PRKN: variants seen among roughly 807,000 people sequenced by gnomAD.
PRKN encodes the protein E3 ubiquitin-protein ligase parkin.
Under a neutral mutation model 59.5 loss-of-function variants are expected in PRKN, and 56 were observed. The ratio of observed to expected loss-of-function variants is 0.94; its 90% CI spans 0.76 to 1.18. The LOEUF (loss-of-function observed/expected upper bound fraction) is 1.18, where lower values mean the gene tolerates loss of function less well. PRKN is among the 50% of genes most tolerant of loss of function. The probability of loss-of-function intolerance (pLI) is 0.00; values close to 1 mark genes in which losing one functional copy is unlikely to be tolerated. For missense variants in PRKN, 657 were observed against 596.4 expected (o/e 1.10, Z -1.06); for synonymous variants, 250 against 222.1 (o/e 1.13, Z -1.12).
intron 4 of PRKN, among the ~76,000 whole-genome samples, chr6:162,156,176 A>G (rs1476156518): frequency 6.6e-6 from 1 of 152,224 alleles, no homozygotes; most frequent in Non-Finnish European, 1.5e-5. Context: ...ATTGGATACC[A>G]ATGACAGTCA....
intron 1 of PRKN, among the ~76,000 whole-genome samples, chr6:162,716,027 C>T (rs1778707305): frequency 6.6e-6 from 1 of 152,226 alleles, no homozygotes; most frequent in African/African-American, 2.4e-5. Flanking sequence ...CATGTGTACA[C>T]AGCATCTTCA....
intron 3 of PRKN, among the ~76,000 whole-genome samples, chr6:162,226,159 TAAGAAAGAA>T (rs1778171837): frequency 6.6e-6 from 1 of 150,834 alleles, no homozygotes. Context: ...GTGCTTACCC[TAAGAAAGAA>T]AAGACTCATA....
At chr6:162,467,588 G>C (rs376293993) in intron 1 of PRKN, among the ~76,000 whole-genome samples, 2 of 151,830 alleles carry the variant, frequency 1.3e-5, no homozygotes, top group Non-Finnish European at 2.9e-5. Flanking sequence ...CTGCATTGTC[G>C]TGACCATTAT....
In PRKN at chr6:161,766,314, A is replaced by ATTTTTTTTT. The variant is rs758294050; in HGVS notation, c.871+19449_871+19457dup. On this transcript the variant is annotated intron_variant, in intron 7 of 11. Transcript: ENST00000366898. ...ACTTATGCCTGCTGTCATTGACCAC[A>ATTTTTTTTT]TTTTTTTTTTTTTAGACAGAGTCTC... Among the ~76,000 whole-genome samples, 1,055 of 139,610 alleles carry ATTTTTTTTT rather than the reference A, an allele frequency of 7.6e-3. 24 individuals are homozygous for ATTTTTTTTT. Among genetic ancestry groups the ATTTTTTTTT allele is most frequent in the African/African-American group, 0.013 (480 of 37,324 alleles). The allele number at this position is 139,610 out of a possible 152,430, so 91.6% of individuals were successfully genotyped here. A position where few individuals can be genotyped will look rare whatever the true frequency, so the allele number is the denominator to read the frequency against.
At chr6:162,590,812 GACGCA>G (rs1781275139) in intron 1 of PRKN, among the ~76,000 whole-genome samples, 1 of 152,166 alleles carries the variant, frequency 6.6e-6, no homozygotes, top group South Asian at 2.1e-4. Flanking sequence ...ACCCGGCACA[GACGCA>G]ACGTGTCACT....
intron 1 of PRKN, among the ~76,000 whole-genome samples, chr6:162,570,686 G>T (rs978554143): frequency 7.2e-5 from 11 of 152,150 alleles, no homozygotes; most frequent in African/African-American, 2.7e-4. Context: ...GATAGAATTG[G>T]AAACTATTAA....
intron 3 of PRKN, among the ~76,000 whole-genome samples, chr6:162,207,094 C>A (rs1454274969): frequency 3.3e-5 from 5 of 152,106 alleles, no homozygotes; most frequent in Non-Finnish European, 1.5e-5. Context: ...GGGGATCGGC[C>A]TGCCGCAGTG....
intron 1 of PRKN, among the ~76,000 whole-genome samples, chr6:162,670,373 C>A (rs890141676): frequency 6.6e-6 from 1 of 152,334 alleles, no homozygotes; most frequent in South Asian, 2.1e-4. Flanking sequence ...GGCATTCAGA[C>A]CCTTCACTGG....
At chr6:161,859,652 T>C (rs887181171) in intron 6 of PRKN, among the ~76,000 whole-genome samples, 1 of 150,706 alleles carries the variant, frequency 6.6e-6, no homozygotes, top group African/African-American at 2.4e-5. Context: ...TTCTTGTATG[T>C]CTTGTGACAA....
chr6:161,388,346 C>G lies in PRKN; in HGVS notation c.1084-1469G>C, dbSNP rs1786358049. Among the ~76,000 whole-genome samples the G allele has an allele frequency of 6.6e-6, 1 of 152,214 alleles. No homozygotes were observed. The highest frequency in any genetic ancestry group is 2.4e-5 in the African/African-American group (1 of 41,466). The stretch of plus-strand genomic sequence containing the variant: ...CTAAACTTTAAGGAGATAAGAACAA[C>G]AGGGACTATTTTGCCCCTACTCCAT... On this transcript the variant is annotated intron_variant, in intron 9 of 11. Coordinates refer to ENST00000366898, the MANE Select transcript of PRKN (RefSeq NM_004562.3). This position sits in a 1 kb window ranked among gnomAD's most constrained non-coding sequence, Gnocchi z 4.3.
chr6:162,712,945 T>A (rs1180413671), intron 1 of PRKN, among the ~76,000 whole-genome samples: 1 of 152,180 alleles, frequency 6.6e-6, no homozygotes, highest in Non-Finnish European at 1.5e-5. Context: ...GTAAAACCCC[T>A]CTGAAGGGGC....
chr6:162,448,391 G>T (rs1562772295), intron 1 of PRKN, among the ~76,000 whole-genome samples: 1 of 151,684 alleles, frequency 6.6e-6, no homozygotes, highest in Non-Finnish European at 1.5e-5. Context: ...TATCACCCTG[G>T]TCTCCATTTC....
At chr6:161,996,466 G>A (rs1781847917) in intron 5 of PRKN, among the ~76,000 whole-genome samples, 1 of 151,382 alleles carries the variant, frequency 6.6e-6, no homozygotes, top group African/African-American at 2.4e-5. Context: ...TTGCCAAAAT[G>A]TGGTTGACTG....
At chr6:161,811,244 G>C (rs1224392904) in intron 6 of PRKN, among the ~76,000 whole-genome samples, 1 of 152,090 alleles carries the variant, frequency 6.6e-6, no homozygotes, top group Non-Finnish European at 1.5e-5. Flanking sequence ...TTGTCAGAAA[G>C]AAAGTTTTCT....
At chr6:162,130,237 T>C (rs1781293285) in intron 4 of PRKN, among the ~76,000 whole-genome samples, 1 of 152,018 alleles carries the variant, frequency 6.6e-6, no homozygotes, top group Non-Finnish European at 1.5e-5. Flanking sequence ...AAATCCTTTT[T>C]TGTCTTGATA....
At chr6:162,111,528 G>A (rs981698074) in intron 4 of PRKN, among the ~76,000 whole-genome samples, 2 of 152,078 alleles carry the variant, frequency 1.3e-5, no homozygotes, top group South Asian at 2.1e-4. Flanking sequence ...ACACACGGAC[G>A]TGCACACTCA....
chr6:162,533,571 C>T (rs1778596941), intron 1 of PRKN, among the ~76,000 whole-genome samples: 1 of 152,046 alleles, frequency 6.6e-6, no homozygotes. Flanking sequence ...CAATGTGGTG[C>T]ATTACAAAGG....
At chr6:162,360,975 A>C (rs958014211) in intron 2 of PRKN, among the ~76,000 whole-genome samples, 1 of 152,240 alleles carries the variant, frequency 6.6e-6, no homozygotes, top group African/African-American at 2.4e-5. Flanking sequence ...ATGAAAAACA[A>C]AACAAAGCAA....
chr6:161,850,095 A>G (rs879907775), intron 6 of PRKN, among the ~76,000 whole-genome samples: 4 of 152,102 alleles, frequency 2.6e-5, no homozygotes, highest in Admixed American at 2.6e-4. Context: ...GCTACTACAA[A>G]GCTATGGCGT....
Sources: gnomAD v4.1 joint callset for allele counts (sites outside exome capture counted in the v4.1 genomes callset) on GRCh38, gnomAD v4.1.1 for gene constraint, Gnocchi (gnomAD v3.1) non-coding constraint, MANE v1.5 for transcripts, NCBI Gene and HGNC (gene_info 2026-07-23, HGNC 2026-07-21) for gene names.